Variants in THSD4 observed in about 807,000 individuals in gnomAD.
THSD4 encodes thrombospondin type 1 domain containing 4.
THSD4 carries 69 observed loss-of-function variants against 119.0 expected under a neutral mutation model. The ratio of observed to expected loss-of-function variants is 0.58; its 90% confidence interval spans 0.48 to 0.71. The LOEUF is 0.71. Ranked by LOEUF, THSD4 falls within the 30% of genes least tolerant of loss-of-function variation. The pLI is 0.00. For synonymous variants in THSD4, 524 were observed against 540.4 expected (o/e 0.97, Z 0.42); for missense variants, 1,393 against 1,391.1 (o/e 1.00, Z -0.02).
At chr15:71,761,709 T>G (rs755389172) in intron 15 of THSD4, among the ~76,000 whole-genome samples, 1 of 152,252 alleles carries the variant, frequency 6.6e-6, no homozygotes, top group Non-Finnish European at 1.5e-5. Flanking sequence ...GTCCTGTGTC[T>G]TCTTCCTGGT....
intron 7 of THSD4, among the ~76,000 whole-genome samples, chr15:71,621,340 A>G (rs2050415261): frequency 6.6e-6 from 1 of 152,218 alleles, no homozygotes; most frequent in Non-Finnish European, 1.5e-5. Flanking sequence ...AACATGGAAA[A>G]GAACCCATGA....
intron 7 of THSD4, among the ~76,000 whole-genome samples, chr15:71,621,387 TG>T (rs1433548772): frequency 1.3e-5 from 2 of 152,202 alleles, no homozygotes; most frequent in Non-Finnish European, 2.9e-5. Context: ...GGGATTGATT[TG>T]GGTGTTCCTA....
intron 3 of THSD4, among the ~76,000 whole-genome samples, chr15:71,170,736 G>A (rs1162419525): frequency 6.6e-6 from 1 of 152,060 alleles, no homozygotes; most frequent in Admixed American, 6.5e-5. Flanking sequence ...TGAATTGAAA[G>A]CAATTCAGAA....
At chr15:71,682,883 T>C (rs1201919955) in intron 8 of THSD4, among the ~76,000 whole-genome samples, 7 of 73,168 alleles carry the variant, frequency 9.6e-5, no homozygotes, top group African/African-American at 3.4e-4. Context: ...TTTCTTTCTT[T>C]CTTTCTTTCT....
chr15:71,337,582 G>A (rs1460827359), intron 6 of THSD4, among the ~76,000 whole-genome samples: 1 of 152,244 alleles, frequency 6.6e-6, no homozygotes, highest in African/African-American at 2.4e-5. Flanking sequence ...CAGGGATGGG[G>A]TGAGAGAGGC....
At chr15:71,733,011 T>C (rs1418930701) in intron 10 of THSD4, 2 of 152,250 alleles carry the variant, frequency 1.3e-5, no homozygotes, top group Non-Finnish European at 2.9e-5. Flanking sequence ...TTTTATGTCA[T>C]GTCCAGAAGC....
intron 16 of THSD4, among the ~76,000 whole-genome samples, chr15:71,768,721 T>C (rs1047094619): frequency 7.3e-5 from 11 of 150,934 alleles, no homozygotes; most frequent in Non-Finnish European, 1.0e-4. Flanking sequence ...CCCACCACCA[T>C]GCACGGCTAA....
intron 7 of THSD4, among the ~76,000 whole-genome samples, chr15:71,502,030 T>C (rs1360839357): frequency 6.6e-6 from 1 of 152,230 alleles, no homozygotes; most frequent in Middle Eastern, 3.2e-3. Context: ...GCCTTTGACA[T>C]TGATTGATTT....
In THSD4 at chr15:71,177,984, G is replaced by A. The variant is rs1388649924; in HGVS notation, c.99+23052G>A. 1.9e-3 allele frequency among the ~76,000 whole-genome samples: 133 copies of A among 69,232 alleles called. 1 individual carries two copies. Among genetic ancestry groups the A allele is most frequent in the Middle Eastern group, 0.01 (1 of 100 alleles). 45.4% of individuals were successfully genotyped at this position (69,232 alleles called of 152,430 possible). A position where few individuals can be genotyped will look rare whatever the true frequency, so the allele number is the denominator to read the frequency against. On this transcript the variant is annotated intron_variant, in intron 3 of 17. Coordinates refer to ENST00000261862, the MANE Select transcript of THSD4 (RefSeq NM_024817.3). ...TCAATAAATTAGGTATTGATGGGAC[G>A]TATTTCAAAATAATAAGAGCTATCT...
chr15:71,616,269 T>G (rs1415518759), intron 7 of THSD4, among the ~76,000 whole-genome samples: 1 of 152,028 alleles, frequency 6.6e-6, no homozygotes, highest in African/African-American at 2.4e-5. Context: ...AAACCACTAG[T>G]ATGAAAAAAG....
chr15:71,312,980 G>T (rs943698948), intron 6 of THSD4, among the ~76,000 whole-genome samples: 3 of 152,172 alleles, frequency 2.0e-5, no homozygotes, highest in African/African-American at 7.2e-5. Flanking sequence ...GACTTCCTCT[G>T]TCTTGTTCAC....
rs184132144 is a variant in THSD4, at chr15:71,763,349, T to C, written c.2590-1671T>C. On this transcript the variant is annotated intron_variant, in intron 15 of 17. Transcript: ENST00000261862. ...TGCAGACATTGTTGCAGGCTTCTTA[T>C]AAAGGTAGTCGATTCTTTAAAGTCT... Among the ~76,000 whole-genome samples the C allele has an allele frequency of 2.8e-3, 429 of 151,066 alleles. 1 individual carries two copies. Among genetic ancestry groups the C allele is most frequent in the Non-Finnish European group, 5.0e-3 (338 of 68,020 alleles).
At chr15:71,250,860 A>T (rs564846047) in intron 5 of THSD4, among the ~76,000 whole-genome samples, 1 of 152,262 alleles carries the variant, frequency 6.6e-6, no homozygotes, top group South Asian at 2.1e-4. Context: ...GCTTTGATGT[A>T]GGTATTGAAT....
At chr15:71,584,576 T>C (rs943464501) in intron 7 of THSD4, among the ~76,000 whole-genome samples, 2 of 152,122 alleles carry the variant, frequency 1.3e-5, no homozygotes, top group African/African-American at 2.4e-5. Context: ...GCCTTGACTT[T>C]TTTCACTTTC....
At chr15:71,255,857 C>T (rs909824443) in intron 5 of THSD4, among the ~76,000 whole-genome samples, 1 of 152,100 alleles carries the variant, frequency 6.6e-6, no homozygotes, top group African/African-American at 2.4e-5. Context: ...TAGTGCCTGG[C>T]AAAGGTAAGG....
chr15:71,321,197 C>A (rs927657820), intron 6 of THSD4, among the ~76,000 whole-genome samples: 6 of 152,174 alleles, frequency 3.9e-5, no homozygotes, highest in African/African-American at 1.4e-4. Context: ...ATAACCAGAG[C>A]TGGACCTAAG....
At position 71,743,406 on chromosome 15, in the gene THSD4, G is replaced by A. The variant is rs536863853; in HGVS notation, c.1907-1700G>A. Among the ~76,000 whole-genome samples, 17 of 152,334 alleles carry A rather than the reference G, an allele frequency of 1.1e-4. No individual in the cohort carries two copies. The South Asian group carries it at 3.5e-3, about 32-fold the overall frequency. On this transcript the variant is annotated intron_variant, in intron 11 of 17. Transcript: ENST00000261862. ...GAAGGAAAAGGAATAGGCTAAATAA[G>A]ATCTTTACTTAATCCCTTAATAGCC...
chr15:71,158,806 A>T (rs546716178), intron 3 of THSD4, among the ~76,000 whole-genome samples: 1 of 152,158 alleles, frequency 6.6e-6, no homozygotes, highest in South Asian at 2.1e-4. Flanking sequence ...CACTGTTTCC[A>T]TTGCTGTGCA....
intron 2 of THSD4, among the ~76,000 whole-genome samples, chr15:71,146,335 A>C (rs1051785642): frequency 2.0e-5 from 3 of 152,220 alleles, no homozygotes; most frequent in Non-Finnish European, 4.4e-5. Context: ...TGCAGTGAGA[A>C]TATAAAGACA....
Sources: allele counts gnomAD v4.1 joint callset (sites outside exome capture counted in the v4.1 genomes callset), GRCh38; gene constraint gnomAD v4.1.1; transcripts MANE v1.5; gene names NCBI Gene and HGNC (gene_info 2026-07-23, HGNC 2026-07-21).